LINGO2: variants seen among roughly 807,000 people sequenced by gnomAD.
LINGO2 encodes leucine rich repeat and Ig domain containing 2.
Under a neutral mutation model 30.6 loss-of-function variants are expected in LINGO2, and 14 were observed. The observed-to-expected ratio is 0.46, with a 90% CI of 0.30 to 0.72. LINGO2 has a LOEUF of 0.72. Ranked by LOEUF, LINGO2 falls within the 30% of genes least tolerant of loss-of-function variation. The pLI is 0.07. For missense variants in LINGO2, 729 were observed against 751.7 expected, an observed-to-expected ratio of 0.97 and a Z score of 0.35; for synonymous variants, 317 against 288.5, an observed-to-expected ratio of 1.10 and a Z score of -1.00.
chr9:29,028,626 G>A, the LINGO2 span, among the ~76,000 whole-genome samples: 2 of 152,168 alleles, frequency 1.3e-5, no homozygotes, highest in Admixed American at 6.6e-5. Flanking sequence ...TGGTAGAAAT[G>A]ATGGTTTGCC....
chr9:28,496,305 G>A lies in LINGO2; in HGVS notation c.-364-20280C>T, dbSNP rs1160476820. On this transcript the variant is annotated intron_variant, in intron 1 of 5. Coordinates refer to ENST00000379992, the Ensembl canonical transcript of LINGO2. Reference sequence around the variant, plus strand: ...ATTGTGTGGGAGTCTAAGTCTCTCTGTAGGTCTCTAAGGACTTGCTTTATG... The same window carrying A: ...ATTGTGTGGGAGTCTAAGTCTCTCTATAGGTCTCTAAGGACTTGCTTTATG... 2.0e-5 allele frequency among the ~76,000 whole-genome samples: 3 copies of A among 152,120 alleles called. No homozygotes were observed. The East Asian group carries it at 5.8e-4, about 29-fold the overall frequency.
At chr9:29,180,380 T>C in the LINGO2 span, among the ~76,000 whole-genome samples, 3 of 152,206 alleles carry the variant, frequency 2.0e-5, no homozygotes, top group Admixed American at 2.0e-4. Context: ...CAAATATATT[T>C]TCAAGCTTGG....
chr9:29,172,121 G>T, the LINGO2 span, among the ~76,000 whole-genome samples: 1 of 151,858 alleles, frequency 6.6e-6, no homozygotes, highest in East Asian at 1.9e-4. Context: ...TAATGTACTT[G>T]CAAAAAGTAA....
rs557638925 is a variant in LINGO2 at position 28,048,494 on chromosome 9, TAAGA to T, written c.-86-36093_-86-36090del. ...TCACCTATTAAAAAAGCAAATGGATTAAGAAATATTGTATTCATTGCCAGTGAAA... is the reference window on the plus strand; with the variant it reads ...TCACCTATTAAAAAAGCAAATGGATTAATATTGTATTCATTGCCAGTGAAA... On this transcript the variant is annotated intron_variant, in intron 4 of 5. Transcript: ENST00000379992. 2.3e-3 allele frequency among the ~76,000 whole-genome samples: 353 copies of T among 150,934 alleles called. 12 individuals are homozygous for T. Among genetic ancestry groups the T allele is most frequent in the Non-Finnish European group, 3.9e-3 (262 of 67,856 alleles).
chr9:28,002,924 T>G (rs1429570782), intron 5 of LINGO2, among the ~76,000 whole-genome samples: 2 of 152,144 alleles, frequency 1.3e-5, no homozygotes, highest in African/African-American at 4.8e-5. Context: ...TGTGTGAGTG[T>G]GCCCTACAAT....
At chr9:28,720,156 T>C in the LINGO2 span, among the ~76,000 whole-genome samples, 2 of 152,062 alleles carry the variant, frequency 1.3e-5, no homozygotes, top group Admixed American at 6.6e-5. Context: ...CACAATTAAG[T>C]CCACACTTAA....
At chr9:28,448,145 A>T (rs937919166) in intron 2 of LINGO2, among the ~76,000 whole-genome samples, 7 of 152,164 alleles carry the variant, frequency 4.6e-5, no homozygotes, top group Non-Finnish European at 8.8e-5. Flanking sequence ...AGATCTAAAA[A>T]TATCTTGAAA....
chr9:28,767,974 C>A, the LINGO2 span, among the ~76,000 whole-genome samples: 2 of 152,048 alleles, frequency 1.3e-5, no homozygotes, highest in Non-Finnish European at 2.9e-5. Flanking sequence ...AGTTTCCTCT[C>A]CTTTGGTGGC....
At chr9:28,074,053 C>T (rs1270678712) in intron 4 of LINGO2, among the ~76,000 whole-genome samples, 1 of 152,108 alleles carries the variant, frequency 6.6e-6, no homozygotes, top group Non-Finnish European at 1.5e-5. Context: ...ACATTCTTTC[C>T]TGGAAGCATT....
At chr9:28,963,424 G>A in the LINGO2 span, among the ~76,000 whole-genome samples, 1 of 151,680 alleles carries the variant, frequency 6.6e-6, no homozygotes, top group Non-Finnish European at 1.5e-5. Flanking sequence ...GGAAATTACT[G>A]ATCTATGAAA....
chr9:28,525,931 T>C (rs1047827030), intron 1 of LINGO2, among the ~76,000 whole-genome samples: 5 of 151,162 alleles, frequency 3.3e-5, no homozygotes, highest in Non-Finnish European at 5.9e-5. Context: ...TGGCGGGCGC[T>C]TGCAGTCCCA....
intron 4 of LINGO2, among the ~76,000 whole-genome samples, chr9:28,049,592 CG>C (rs969349282): frequency 6.6e-6 from 1 of 150,490 alleles, no homozygotes; most frequent in African/African-American, 2.5e-5. Context: ...TAGATTTTAC[CG>C]CTTATTAGCT....
At chr9:28,213,694 T>A (rs1820671405) in intron 4 of LINGO2, among the ~76,000 whole-genome samples, 1 of 151,444 alleles carries the variant, frequency 6.6e-6, no homozygotes, top group Admixed American at 6.6e-5. Flanking sequence ...ATGAAATACT[T>A]AATAAAAATA....
At chr9:28,538,817 T>G (rs1011972661) in intron 1 of LINGO2, among the ~76,000 whole-genome samples, 62 of 152,102 alleles carry the variant, frequency 4.1e-4, no homozygotes, top group African/African-American at 1.5e-3. Context: ...CCTAACATTG[T>G]TGCATTGGGG....
chr9:28,635,098 T>C (rs1002588931), intron 1 of LINGO2, among the ~76,000 whole-genome samples: 2 of 152,184 alleles, frequency 1.3e-5, no homozygotes, highest in Non-Finnish European at 2.9e-5. Context: ...AAATAGCTTC[T>C]TGATGACATT....
the LINGO2 span, among the ~76,000 whole-genome samples, chr9:28,726,086 T>A: frequency 6.6e-6 from 1 of 152,210 alleles, no homozygotes; most frequent in East Asian, 1.9e-4. Context: ...AAATATTGAC[T>A]ATATTAGACA....
intron 2 of LINGO2, among the ~76,000 whole-genome samples, chr9:28,412,004 A>C (rs1029245685): frequency 6.6e-6 from 1 of 152,002 alleles, no homozygotes; most frequent in African/African-American, 2.4e-5. Context: ...GATGAATTGT[A>C]TAATGGTGAA....
At chr9:28,572,725 A>G (rs2135598519) in intron 1 of LINGO2, among the ~76,000 whole-genome samples, 1 of 152,262 alleles carries the variant, frequency 6.6e-6, no homozygotes, top group Admixed American at 6.5e-5. Context: ...CAGTGACTTT[A>G]GTCCAACAGC....
intron 3 of LINGO2, among the ~76,000 whole-genome samples, chr9:28,365,605 C>G (rs574596255): frequency 2.0e-5 from 3 of 151,904 alleles, no homozygotes; most frequent in Non-Finnish European, 4.4e-5. Flanking sequence ...TGGAAAAAAA[C>G]AAAACAGGGA....
Sources: gnomAD v4.1 joint callset for allele counts (sites outside exome capture counted in the v4.1 genomes callset) on GRCh38, gnomAD v4.1.1 for gene constraint, MANE v1.5 for transcripts, NCBI Gene and HGNC (gene_info 2026-07-23, HGNC 2026-07-21) for gene names.